Variants in ERICH1 observed in about 807,000 individuals in gnomAD.
The protein encoded by ERICH1 is glutamate-rich protein 1.
A neutral mutation model predicts 39.6 loss-of-function variants in ERICH1; 56 were observed. The observed-to-expected ratio is 1.41, with a 90% CI of 1.14 to 1.77. The LOEUF is 1.77. ERICH1 is among the 40% of genes most tolerant of loss of function. The pLI, the probability that ERICH1 is intolerant of heterozygous loss-of-function variation, is 0.00. For synonymous variants in ERICH1, 313 were observed against 223.6 expected (o/e 1.40, Z -3.57); for missense variants, 826 against 575.4 (o/e 1.44, Z -4.45).
chr8:689,588 T>C (rs372652690), intron 3 of ERICH1, among the ~76,000 whole-genome samples: 11 of 152,232 alleles, frequency 7.2e-5, no homozygotes, highest in African/African-American at 2.4e-4. Flanking sequence ...CTGCCAGCAC[T>C]GTGTGCCACT....
At chr8:639,157 G>T (rs62486234) in intron 3 of ERICH1, among the ~76,000 whole-genome samples, 16,019 of 152,078 alleles carry the variant, frequency 0.11, 930 homozygotes, top group African/African-American at 0.12. Context: ...CCCAAAGCCC[G>T]GGTCTTGGAT....
At chr8:681,813 C>G (rs557032534) in intron 3 of ERICH1, among the ~76,000 whole-genome samples, 19 of 152,320 alleles carry the variant, frequency 1.2e-4, no homozygotes, top group African/African-American at 4.6e-4. Context: ...GGCTCCGGAA[C>G]CTCCTCTGAG....
In ERICH1 at chr8:670,343, G is replaced by A. The variant is rs1295429850; in HGVS notation, c.1064-1551C>T. 4.0e-5 allele frequency among the ~76,000 whole-genome samples: 6 copies of A among 151,568 alleles called. 1 individual carries two copies. The South Asian group carries it at 8.3e-4, about 21-fold the overall frequency. ...GTGGCTCTACTGCTCTTTTTTTCTC[G>A]TGGTTTTCGGTGCTGTGGTCCTGTC... is the stretch of plus-strand genomic sequence containing the variant. On this transcript the variant is annotated intron_variant, in intron 4 of 5. Coordinates refer to ENST00000262109, the MANE Select transcript of ERICH1 (RefSeq NM_207332.3).
intron 1 of ERICH1, chr8:725,041 C>T (rs1423518854): frequency 1.2e-5 from 2 of 163,624 alleles, no homozygotes; most frequent in African/African-American, 4.8e-5. Context: ...GCCTGCTCAC[C>T]TGCTGACCCC....
At chr8:615,471 G>A in intron 3 of ERICH1, 1 of 474,654 alleles carries the variant, frequency 2.1e-6, no homozygotes, top group Non-Finnish European at 3.7e-6. Flanking sequence ...TGGGGTGGCT[G>A]TCATCTCTAC....
chr8:697,683 C>T (rs368189020), intron 2 of ERICH1, among the ~76,000 whole-genome samples: 98 of 152,232 alleles, frequency 6.4e-4, no homozygotes, highest in African/African-American at 2.3e-3. Flanking sequence ...TGTGGAACCA[C>T]ACAGCCCCCG....
At chr8:619,351 A>G (rs891926759) in intron 3 of ERICH1, among the ~76,000 whole-genome samples, 2 of 152,234 alleles carry the variant, frequency 1.3e-5, no homozygotes, top group Non-Finnish European at 2.9e-5. Context: ...AGATAATTGT[A>G]AAAGACAGTA....
intron 1 of ERICH1, among the ~76,000 whole-genome samples, chr8:721,415 T>C (rs544126532): frequency 6.6e-6 from 1 of 152,156 alleles, no homozygotes; most frequent in Non-Finnish European, 1.5e-5. Context: ...AGCATGGAGG[T>C]TGGGGCTGGG....
At chr8:679,260 G>A (rs1466803780) in intron 3 of ERICH1, among the ~76,000 whole-genome samples, 2 of 129,464 alleles carry the variant, frequency 1.5e-5, no homozygotes, top group Admixed American at 8.5e-5. Context: ...ACCCCTCACA[G>A]CTTTGATCCC....
chr8:629,853 C>A (rs1203941008), intron 3 of ERICH1, among the ~76,000 whole-genome samples: 2 of 140,316 alleles, frequency 1.4e-5, no homozygotes, highest in African/African-American at 5.9e-5. Context: ...CTCCCGTGAC[C>A]ACCCACACAG....
intron 3 of ERICH1, among the ~76,000 whole-genome samples, chr8:685,617 T>C (rs555537170): frequency 7.0e-4 from 107 of 152,312 alleles, no homozygotes; most frequent in African/African-American, 2.4e-3. Flanking sequence ...AAGTATTAAT[T>C]TGGAGAACTA....
Position 689,840 on chromosome 8 carries a change from T to C in ERICH1, c.304+2638A>G, listed in dbSNP as rs546306598. On this transcript the variant is annotated intron_variant, in intron 3 of 5. Transcript: ENST00000262109. ...CTTATCCCAGCTGCCCAGAGGAATG[T>C]CCACATCACTGTAATAGACTCTGTA... is the stretch of plus-strand genomic sequence containing the variant. 4.7e-4 allele frequency among the ~76,000 whole-genome samples: 72 copies of C among 152,272 alleles called. No homozygotes were observed. In the South Asian group the frequency reaches 0.014, roughly 29 times the overall value.
intron 3 of ERICH1, among the ~76,000 whole-genome samples, chr8:685,021 C>A (rs916312898): frequency 6.6e-6 from 1 of 152,150 alleles, no homozygotes; most frequent in East Asian, 1.9e-4. Context: ...AGCAGAGAAC[C>A]GGTCTGACTA....
chr8:728,140 G>A (rs1011640483), intron 1 of ERICH1, among the ~76,000 whole-genome samples: 1 of 152,222 alleles, frequency 6.6e-6, no homozygotes, highest in Non-Finnish European at 1.5e-5. Flanking sequence ...AAATGTCCCT[G>A]AAGCACACAT....
downstream of ERICH1, among the ~76,000 whole-genome samples, chr8:662,196 G>A (rs1178944277): frequency 6.6e-6 from 1 of 152,254 alleles, no homozygotes; most frequent in Non-Finnish European, 1.5e-5. Flanking sequence ...GGCTACACAT[G>A]ACCCACCACC....
At chr8:644,005 G>T (rs915872446) in intron 3 of ERICH1, among the ~76,000 whole-genome samples, 1 of 152,230 alleles carries the variant, frequency 6.6e-6, no homozygotes, top group Admixed American at 6.5e-5. Context: ...GCAGGAGCAG[G>T]AGTCCTGTGG....
At chr8:717,192 G>A (rs1360184219) in intron 1 of ERICH1, among the ~76,000 whole-genome samples, 1 of 152,178 alleles carries the variant, frequency 6.6e-6, no homozygotes, top group Non-Finnish European at 1.5e-5. Context: ...TGGTTAAGTG[G>A]AAAACCTGAA....
intron 3 of ERICH1, among the ~76,000 whole-genome samples, chr8:631,905 G>T (rs549913559): frequency 3.3e-4 from 51 of 152,246 alleles, no homozygotes; most frequent in African/African-American, 1.2e-3. Flanking sequence ...TCTAGAGGAA[G>T]ATTTAAAGCC....
intron 2 of ERICH1, among the ~76,000 whole-genome samples, chr8:693,239 C>A (rs1008249933): frequency 6.0e-5 from 9 of 149,742 alleles, no homozygotes; most frequent in South Asian, 4.2e-4. Flanking sequence ...CAGAGAGATA[C>A]ACAAATACAC....
Sources: gnomAD v4.1 joint callset for allele counts (sites outside exome capture counted in the v4.1 genomes callset) on GRCh38, gnomAD v4.1.1 for gene constraint, MANE v1.5 for transcripts, NCBI Gene and HGNC (gene_info 2026-07-23, HGNC 2026-07-21) for gene names.